Variants in PCDHGB4 observed in about 807,000 individuals in gnomAD.
The protein encoded by PCDHGB4 is protocadherin gamma-B4.
A neutral mutation model predicts 60.5 loss-of-function variants in PCDHGB4; 38 were observed. The ratio of observed to expected loss-of-function variants is 0.63; its 90% confidence interval spans 0.48 to 0.82. The LOEUF (loss-of-function observed/expected upper bound fraction) is 0.82. Ranked by LOEUF, PCDHGB4 falls within the 40% of genes least tolerant of loss-of-function variation. The probability of loss-of-function intolerance (pLI) is 0.00; values close to 1 mark genes in which losing one functional copy is unlikely to be tolerated. For missense variants in PCDHGB4, 1,109 were observed against 1,209.6 expected, an observed-to-expected ratio of 0.92 and a Z score of 1.23; for synonymous variants, 456 against 509.7, an observed-to-expected ratio of 0.89 and a Z score of 1.42.
chr5:141,481,913 CAAAAAA>C (rs34114744), intron 1 of PCDHGB4, among the ~76,000 whole-genome samples: 1 of 90,850 alleles, frequency 1.1e-5, no homozygotes. Flanking sequence ...AACTCCATCT[CAAAAAA>C]AAAAAAAAAA....
rs376764580 is a variant in PCDHGB4 at position 141,400,568 on chromosome 5, T to C, written c.2397+10287T>C. On this transcript the variant is annotated intron_variant, in intron 1 of 3. Coordinates refer to ENST00000519479, the MANE Select transcript of PCDHGB4 (RefSeq NM_003736.4). ...TATTCTTTTTCATTACCCACCCAATTTTCTGTATTTACATGAAACTATCGT... is the reference window on the plus strand; with the variant it reads ...TATTCTTTTTCATTACCCACCCAATCTTCTGTATTTACATGAAACTATCGT... 46 of 1,612,870 alleles carry C rather than the reference T, an allele frequency of 2.9e-5. No homozygotes were observed. In the African/African-American group the frequency reaches 5.7e-4, roughly 20 times the overall value.
At chr5:141,407,360 A>G (rs1024336863) in intron 1 of PCDHGB4, among the ~76,000 whole-genome samples, 1 of 152,232 alleles carries the variant, frequency 6.6e-6, no homozygotes, top group Non-Finnish European at 1.5e-5. Flanking sequence ...GGAAAACATA[A>G]CAGATATCCA....
intron 1 of PCDHGB4, among the ~76,000 whole-genome samples, chr5:141,451,719 TA>T (rs2098722539): frequency 6.6e-6 from 1 of 152,016 alleles, no homozygotes; most frequent in Non-Finnish European, 1.5e-5. Flanking sequence ...CTGCCTCTAC[TA>T]AAAATACAAA....
chr5:141,415,758 T>TG, intron 1 of PCDHGB4: 1 of 1,381,742 alleles, frequency 7.2e-7, no homozygotes, highest in South Asian at 1.7e-5. Context: ...TTTTTTTTTT[T>TG]TTTTTTTTTT....
intron 1 of PCDHGB4, among the ~76,000 whole-genome samples, chr5:141,454,353 A>G (rs2098787486): frequency 1.3e-5 from 2 of 152,238 alleles, no homozygotes; most frequent in Non-Finnish European, 2.9e-5. Context: ...AGTTGATCCA[A>G]ACTTAGAAAG....
Position 141,472,217 on chromosome 5 carries a change from C to T in PCDHGB4, c.2398-22590C>T, listed in dbSNP as rs181908144. On this transcript the variant is annotated intron_variant, in intron 1 of 3. Transcript: ENST00000519479. ...CTTTTTGACACTAAGACCTTACTCTCGATCATATAATACATTCACTTTCTA... is the reference window on the plus strand; with the variant it reads ...CTTTTTGACACTAAGACCTTACTCTTGATCATATAATACATTCACTTTCTA... Among the ~76,000 whole-genome samples the T allele has an allele frequency of 3.1e-4, 47 of 152,234 alleles. 1 individual carries two copies. The highest frequency in any genetic ancestry group is 1.1e-3 in the African/African-American group (44 of 41,538).
rs761149166 is a variant in PCDHGB4 at position 141,510,977 on chromosome 5, G to C, written c.2576G>C (p.Gly859Ala). Residue 859 changes from glycine to alanine, a missense_variant, in exon 4 of 4, where the codon GGG (glycine) becomes GCG (alanine). Around this residue, in one of 2 missense-constraint regions of PCDHGB4, gnomAD observed 1,068 missense variants for 1,089.9 expected, o/e 0.98. Coordinates refer to ENST00000519479, the MANE Select transcript of PCDHGB4 (RefSeq NM_003736.4). Reference protein sequence around the residue: ...EAADGSSTLGGGAGTMGLSAR... With the variant: ...EAADGSSTLGAGAGTMGLSAR... ...GCTGATGGGAGCTCCACCCTGGGAG[G>C]GGGTGCCGGCACCATGGGATTGAGC... 9 of 1,614,052 alleles carry C rather than the reference G, an allele frequency of 5.6e-6. No individual in the cohort carries two copies. The Admixed American group carries it at 1.3e-4, about 24-fold the overall frequency.
intron 1 of PCDHGB4, chr5:141,415,744 T>TTTG (rs2095926305): frequency 2.5e-6 from 1 of 404,416 alleles, no homozygotes; most frequent in South Asian, 6.6e-5. Context: ...ATTAAGGTTT[T>TTTG]TTTTTTTTTT....
At chr5:141,458,891 G>A (rs775720263) in intron 1 of PCDHGB4, among the ~76,000 whole-genome samples, 10 of 151,976 alleles carry the variant, frequency 6.6e-5, no homozygotes, top group South Asian at 2.1e-4. Context: ...CACACCATGC[G>A]CAGCTAATTT....
chr5:141,439,441 T>C (rs2098112892), intron 1 of PCDHGB4, among the ~76,000 whole-genome samples: 2 of 152,348 alleles, frequency 1.3e-5, no homozygotes, highest in South Asian at 4.1e-4. Context: ...GAATATTTTA[T>C]TGCGGGAGCA....
chr5:141,427,907 C>T, intron 1 of PCDHGB4: 1 of 1,575,688 alleles, frequency 6.3e-7, no homozygotes, highest in Non-Finnish European at 8.7e-7. Flanking sequence ...CCGCGCTCAG[C>T]GCCAACATGA....
intron 1 of PCDHGB4, among the ~76,000 whole-genome samples, chr5:141,406,273 G>C (rs1366399912): frequency 6.6e-6 from 1 of 151,898 alleles, no homozygotes; most frequent in Non-Finnish European, 1.5e-5. Context: ...TCCTGCTTCA[G>C]TTTCCCAAAG....
chr5:141,437,820 C>T (rs973577605), intron 1 of PCDHGB4, among the ~76,000 whole-genome samples: 4 of 151,904 alleles, frequency 2.6e-5, no homozygotes, highest in Non-Finnish European at 5.9e-5. Flanking sequence ...TCACTGCAAC[C>T]TCTGCCTCCT....
rs2150405694 is a variant in PCDHGB4 at position 141,389,945 on chromosome 5, G to A, written c.2061G>A (p.Gln687=). 1.9e-6 allele frequency: 3 copies of A among 1,614,056 alleles called. No individual in the cohort carries two copies. The highest frequency in any genetic ancestry group is 1.6e-4 in the Middle Eastern group (1 of 6,062). ...CCTCTGACCTCCAGGCTGAGCTGCA[G>A]TTTTACCTAGTGGTGGCCTTGGCCT... The part of the protein sequence containing the change: ...PDPSDLQAEL[Q]FYLVVALALI... Residue 687 remains glutamine, a synonymous_variant, in exon 1 of 4, where the codon CAG becomes CAA. Coordinates refer to ENST00000519479, the MANE Select transcript of PCDHGB4 (RefSeq NM_003736.4).
rs773609097 is a variant in PCDHGB4 at position 141,408,614 on chromosome 5, A to C, written c.2397+18333A>C. 2.2e-5 allele frequency: 36 copies of C among 1,614,008 alleles called. No individual in the cohort carries two copies. Among genetic ancestry groups the C allele is most frequent in the Non-Finnish European group, 3.1e-5 (36 of 1,179,890 alleles). On this transcript the variant is annotated intron_variant, in intron 1 of 3. Coordinates refer to ENST00000519479, the MANE Select transcript of PCDHGB4 (RefSeq NM_003736.4). The stretch of plus-strand genomic sequence containing the variant: ...CGCCCCTCAATTTGATAAAAAGGAA[A>C]TACATTTAGAAATTTTCGAATCTGC...
At position 141,492,010 on chromosome 5, in the gene PCDHGB4, G is replaced by A. The variant is rs2099736138; in HGVS notation, c.2398-2797G>A. 2 of 617,370 alleles carry A rather than the reference G, an allele frequency of 3.2e-6. 1 individual carries two copies. Among genetic ancestry groups the A allele is most frequent in the Middle Eastern group, 8.7e-4 (2 of 2,312 alleles). The allele number at this position is 617,370 out of a possible 1,614,324, so 38.2% of individuals were successfully genotyped here. On this transcript the variant is annotated intron_variant, in intron 1 of 3. Transcript: ENST00000519479. Reference sequence around the variant, plus strand: ...GGTGAATTTCGGGCGATTTCCGCGGGTGTCGGGGGTCCCGGGAGGAGGCAG... The same window carrying A: ...GGTGAATTTCGGGCGATTTCCGCGGATGTCGGGGGTCCCGGGAGGAGGCAG...
At chr5:141,500,728 T>C (rs556463739) in intron 2 of PCDHGB4, among the ~76,000 whole-genome samples, 1 of 152,310 alleles carries the variant, frequency 6.6e-6, no homozygotes, top group South Asian at 2.1e-4. Context: ...CCCATGTCTT[T>C]CAAAATTCTT....
intron 1 of PCDHGB4, chr5:141,416,916 T>A (rs751743318): frequency 5.5e-4 from 83 of 152,132 alleles, no homozygotes; most frequent in Non-Finnish European, 8.5e-4. Flanking sequence ...CTCTTTAGGG[T>A]CATAGTTATT....
At chr5:141,410,078 G>A (rs1258292051) in intron 1 of PCDHGB4, 1 of 1,612,820 alleles carries the variant, frequency 6.2e-7, no homozygotes, top group Non-Finnish European at 8.5e-7. Flanking sequence ...CACTGGGGAG[G>A]TGCGCACGGC....
Sources: gnomAD v4.1 joint callset for allele counts (sites outside exome capture counted in the v4.1 genomes callset) on GRCh38, gnomAD v4.1.1 for gene constraint, gnomAD v4.1.1 regional missense constraint, MANE v1.5 for transcripts, NCBI Gene and HGNC (gene_info 2026-07-23, HGNC 2026-07-21) for gene names.